The following ANKS1B variants were observed in gnomAD, a reference collection of about 807,000 sequenced individuals.
ANKS1B encodes the protein ankyrin repeat and sterile alpha motif domain-containing protein 1B.
ANKS1B carries 36 observed loss-of-function variants against 148.3 expected under a neutral mutation model. The observed-to-expected ratio is 0.24, with a 90% CI of 0.19 to 0.32. The LOEUF (loss-of-function observed/expected upper bound fraction) is 0.32, where lower values mean the gene tolerates loss of function less well. Among genes scored for constraint, ANKS1B ranks in the 10% least tolerant of loss-of-function variants. The pLI is 1.00. For missense variants in ANKS1B, 1,157 were observed against 1,542.6 expected (o/e 0.75, Z 4.19); for synonymous variants, 542 against 560.8 (o/e 0.97, Z 0.47).
chr12:99,779,807 C>T (rs2064065419), intron 6 of ANKS1B, 64 bp downstream of exon 6: 2 of 1,271,568 alleles, frequency 1.6e-6, no homozygotes, highest in Non-Finnish European at 2.3e-6. Context: ...CAAAAGAAAA[C>T]TGTAACAGTT....
chr12:99,515,668 C>T (rs917102163), intron 9 of ANKS1B, among the ~76,000 whole-genome samples: 1 of 151,796 alleles, frequency 6.6e-6, no homozygotes, highest in Non-Finnish European at 1.5e-5. Flanking sequence ...ATAGTGTTTT[C>T]CTTTGGGGGT....
intron 17 of ANKS1B, among the ~76,000 whole-genome samples, chr12:98,942,216 G>A (rs1369873391): frequency 6.6e-6 from 1 of 151,080 alleles, no homozygotes; most frequent in African/African-American, 2.4e-5. Flanking sequence ...ACTCCAGCCT[G>A]GGTGACAGAG....
intron 10 of ANKS1B, among the ~76,000 whole-genome samples, chr12:99,501,443 AT>A (rs2096654991): frequency 6.6e-6 from 1 of 152,108 alleles, no homozygotes; most frequent in Non-Finnish European, 1.5e-5. Context: ...ATGAACTGAC[AT>A]TTTTTGGACC....
chr12:99,185,863 C>T (rs1028479621), intron 14 of ANKS1B, among the ~76,000 whole-genome samples: 4 of 152,170 alleles, frequency 2.6e-5, no homozygotes, highest in African/African-American at 9.7e-5. Flanking sequence ...TTTCATACCC[C>T]AGTGGCCCTG....
chr12:99,770,510 A>G (rs2063092990), intron 8 of ANKS1B, among the ~76,000 whole-genome samples: 1 of 152,202 alleles, frequency 6.6e-6, no homozygotes, highest in East Asian at 1.9e-4. Context: ...CAAATATTCA[A>G]CAAAACATGG....
intron 16 of ANKS1B, among the ~76,000 whole-genome samples, chr12:99,067,712 G>A (rs968219056): frequency 3.9e-5 from 6 of 152,166 alleles, no homozygotes; most frequent in African/African-American, 1.4e-4. Context: ...CTATTTTGAA[G>A]CCCTGGTTGG....
intron 14 of ANKS1B, among the ~76,000 whole-genome samples, chr12:99,168,042 T>C (rs1012590545): frequency 3.9e-5 from 6 of 152,194 alleles, no homozygotes; most frequent in Non-Finnish European, 7.3e-5. Flanking sequence ...TCCTTGGGGA[T>C]ATGACAAGAT....
intron 8 of ANKS1B, among the ~76,000 whole-genome samples, chr12:99,655,894 A>AGATGGGT (rs2098447607): frequency 6.6e-6 from 1 of 152,198 alleles, no homozygotes; most frequent in Non-Finnish European, 1.5e-5. Context: ...CTGACTTAGC[A>AGATGGGT]AACATGAGAA....
intron 1 of ANKS1B, among the ~76,000 whole-genome samples, chr12:99,869,620 G>A (rs1167247879): frequency 2.0e-5 from 3 of 151,942 alleles, no homozygotes; most frequent in Non-Finnish European, 2.9e-5. Flanking sequence ...GGCAAAGGTT[G>A]TGGTGGGCCA....
At chr12:99,738,839 T>C (rs1172081343) in intron 8 of ANKS1B, among the ~76,000 whole-genome samples, 2 of 152,158 alleles carry the variant, frequency 1.3e-5, no homozygotes, top group African/African-American at 4.8e-5. Context: ...CATTTGGAGA[T>C]GTGAGGCTGG....
In ANKS1B at chr12:99,535,000, C is replaced by T. The variant is rs1057421194; in HGVS notation, c.1273-30359G>A. On this transcript the variant is annotated intron_variant, in intron 9 of 26. Coordinates refer to ENST00000683438, the MANE Select transcript of ANKS1B (RefSeq NM_001352186.2). ...CTGGGATTACAGGCATGAGCCACCGCGCCCGGCCCTTTTTAAAAAATTAAC... is the reference window on the plus strand; with the variant it reads ...CTGGGATTACAGGCATGAGCCACCGTGCCCGGCCCTTTTTAAAAAATTAAC... Among the ~76,000 whole-genome samples the T allele has an allele frequency of 3.3e-5, 5 of 152,106 alleles. No individual in the cohort carries two copies. In the East Asian group the frequency reaches 7.7e-4, roughly 24 times the overall value.
chr12:99,318,355 T>C (rs997043182), intron 12 of ANKS1B, among the ~76,000 whole-genome samples: 2 of 152,204 alleles, frequency 1.3e-5, no homozygotes, highest in African/African-American at 4.8e-5. Context: ...CTGTAATTGG[T>C]CTATTCAGGG....
Position 99,811,256 on chromosome 12 carries a change from T to C in ANKS1B, c.372+899A>G, listed in dbSNP as rs1349415532. On this transcript the variant is annotated intron_variant, in intron 3 of 26. Transcript: ENST00000683438. ...AAAGTCCGGCAAAGTCTGCATCCATTTGAACAATATGCTAATTGTGCTTTA... is the reference window on the plus strand; with the variant it reads ...AAAGTCCGGCAAAGTCTGCATCCATCTGAACAATATGCTAATTGTGCTTTA... Among the ~76,000 whole-genome samples, 4 of 151,938 alleles carry C rather than the reference T, an allele frequency of 2.6e-5. No individual in the cohort carries two copies. The East Asian group carries it at 7.7e-4, about 29-fold the overall frequency.
chr12:99,619,209 A>T (rs954817371), intron 9 of ANKS1B, among the ~76,000 whole-genome samples: 2 of 151,950 alleles, frequency 1.3e-5, no homozygotes, highest in Admixed American at 1.3e-4. Flanking sequence ...ATGAGTATAG[A>T]TCATGATGCA....
At chr12:98,735,211 G>A (rs116289685) in exon 10 of ANKS1B, 172 of 399,020 alleles carry the variant, frequency 4.3e-4, no homozygotes, top group African/African-American at 3.4e-3. Context: ...GTTTGCAGAT[G>A]AGCATTTCTA....
At position 98,821,483 on chromosome 12, in the gene ANKS1B, ATCTG is replaced by A. The variant is rs981654514; in HGVS notation, c.3066+7687_3066+7690del. Among the ~76,000 whole-genome samples, 48 of 152,100 alleles carry A rather than the reference ATCTG, an allele frequency of 3.2e-4. 1 individual carries two copies. The highest frequency in any genetic ancestry group is 1.6e-3 in the Admixed American group (25 of 15,272). ...TGTGGGACCTCTGTCTTGCTAATCAATCTGTCTGTCTGTCTGTCTCTCTCTCTCT... is the reference window on the plus strand; with the variant it reads ...TGTGGGACCTCTGTCTTGCTAATCAATCTGTCTGTCTGTCTCTCTCTCTCT... On this transcript the variant is annotated intron_variant, in intron 19 of 26. Coordinates refer to ENST00000683438, the MANE Select transcript of ANKS1B (RefSeq NM_001352186.2).
chr12:99,398,825 T>A (rs765673814), intron 12 of ANKS1B, among the ~76,000 whole-genome samples: 15 of 152,138 alleles, frequency 9.9e-5, no homozygotes, highest in Non-Finnish European at 2.2e-4. Flanking sequence ...TATGTAACTT[T>A]CCCCTTTTTT....
chr12:99,424,303 C>T (rs116421215), intron 11 of ANKS1B, among the ~76,000 whole-genome samples: 1,697 of 152,108 alleles, frequency 0.011, 38 homozygotes, highest in African/African-American at 0.036. Flanking sequence ...TTGAAAGATT[C>T]AGAGCAATGT....
At chr12:99,649,501 G>A (rs2098404185) in intron 9 of ANKS1B, 1 of 863,460 alleles carries the variant, frequency 1.2e-6, no homozygotes, top group Non-Finnish European at 1.9e-6. Context: ...AACAGCAGTA[G>A]TGATGACAGT....
Sources: gnomAD v4.1 joint callset for allele counts (sites outside exome capture counted in the v4.1 genomes callset) on GRCh38, gnomAD v4.1.1 for gene constraint, MANE v1.5 for transcripts, NCBI Gene and HGNC (gene_info 2026-07-23, HGNC 2026-07-21) for gene names.